The following KIN variants were observed in gnomAD, a reference collection of about 807,000 sequenced individuals.
KIN encodes DNA/RNA-binding protein KIN17.
In KIN, 47 loss-of-function variants were observed where a neutral mutation model predicts 63.0. The ratio of observed to expected loss-of-function variants is 0.75; its 90% CI spans 0.59 to 0.95. The LOEUF is 0.95. Among genes scored for constraint, KIN ranks in the 40% least tolerant of loss-of-function variants. The pLI, the probability that KIN is intolerant of heterozygous loss-of-function variation, is 0.00. For synonymous variants in KIN, 160 were observed against 157.7 expected (o/e 1.01, Z -0.11); for missense variants, 408 against 460.9 (o/e 0.89, Z 1.05).
chr10:7,754,146 A>G lies in KIN; in HGVS notation c.*1934T>C, dbSNP rs572776837. The G allele has an allele frequency of 1.4e-4, 62 of 454,868 alleles. No individual in the cohort carries two copies. Among genetic ancestry groups the G allele is most frequent in the African/African-American group, 1.0e-3 (52 of 50,158 alleles). The allele number at this position is 454,868 out of a possible 1,614,324, so 28.2% of individuals were successfully genotyped here. A position where few individuals can be genotyped will look rare whatever the true frequency, so the allele number is the denominator to read the frequency against. On this transcript the variant is annotated 3_prime_UTR_variant, in exon 13 of 13. Coordinates refer to ENST00000379562, the MANE Select transcript of KIN (RefSeq NM_012311.4). Reference sequence around the variant, plus strand: ...AGAGTTTGAGACCAGCCTGGGCAACATAGCAAGACCTCATCTCTACTAAAA... The same window carrying G: ...AGAGTTTGAGACCAGCCTGGGCAACGTAGCAAGACCTCATCTCTACTAAAA...
In KIN at chr10:7,776,414, C is replaced by T. The variant is rs541104162; in HGVS notation, c.559-615G>A. Reference sequence around the variant, plus strand: ...AAATTTAGCCGGGTGTGATGGCGGGCGCCTGTAATGCCAGCTACTCAGGAG... The same window carrying T: ...AAATTTAGCCGGGTGTGATGGCGGGTGCCTGTAATGCCAGCTACTCAGGAG... On this transcript the variant is annotated intron_variant, in intron 5 of 12. Coordinates refer to ENST00000379562, the MANE Select transcript of KIN (RefSeq NM_012311.4). Among the ~76,000 whole-genome samples, 41 of 149,336 alleles carry T rather than the reference C, an allele frequency of 2.7e-4. 2 individuals carry two copies. The East Asian group carries it at 7.8e-3, about 29-fold the overall frequency.
chr10:7,778,266 G>C (rs74122333), intron 5 of KIN, among the ~76,000 whole-genome samples: 1 of 152,076 alleles, frequency 6.6e-6, no homozygotes, highest in East Asian at 1.9e-4. Context: ...ATTAGGTAGC[G>C]TCTCTATTTA....
chr10:7,766,262 A>C (rs1054958874), intron 8 of KIN, 159 bp from the exon 9 acceptor site: 9 of 493,294 alleles, frequency 1.8e-5, no homozygotes, highest in Non-Finnish European at 2.8e-5. Context: ...ACAAATAAAC[A>C]TTACTTGTCA....
At chr10:7,774,129 C>T (rs1835720092) in intron 7 of KIN, among the ~76,000 whole-genome samples, 1 of 152,216 alleles carries the variant, frequency 6.6e-6, no homozygotes, top group African/African-American at 2.4e-5. Flanking sequence ...GTGACAAAGA[C>T]ATCTGGCCGA....
At position 7,783,099 on chromosome 10, in the gene KIN, A is replaced by C; in HGVS notation, c.191T>G (p.Phe64Cys). The change falls in exon 2 of 13, where the codon TTT (phenylalanine) becomes TGT (cysteine). Residue 64 changes from phenylalanine (F) to cysteine (C), a missense_variant. Coordinates refer to ENST00000379562, the MANE Select transcript of KIN (RefSeq NM_012311.4). ...TACTTACTCTGAAAAATAATCCATA[A>C]ACTGCTGAGGATTTTCTGAAGCCAG... is the stretch of plus-strand genomic sequence containing the variant. ...LLLASENPQQ[F>C]MDYFSEEFRN... The C allele has an allele frequency of 1.9e-6, 3 of 1,598,678 alleles. No individual in the cohort carries two copies. The highest frequency in any genetic ancestry group is 2.6e-6 in the Non-Finnish European group (3 of 1,170,634).
At chr10:7,787,344 G>A (rs1206081712) in intron 1 of KIN, among the ~76,000 whole-genome samples, 1 of 152,092 alleles carries the variant, frequency 6.6e-6, no homozygotes, top group Non-Finnish European at 1.5e-5. Context: ...TTCTGTGCCC[G>A]GTACAGTGTA....
At chr10:7,782,956 A>G (rs1484726651) in intron 2 of KIN, 125 bp downstream of exon 2, 1 of 435,580 alleles carries the variant, frequency 2.3e-6, no homozygotes, top group Non-Finnish European at 4.0e-6. Flanking sequence ...ATAAAAACTG[A>G]GCATAGAGAG....
chr10:7,775,699 C>T, intron 6 of KIN, 52 bp downstream of exon 6: 1 of 952,860 alleles, frequency 1.0e-6, no homozygotes. Flanking sequence ...TTAACAAAGC[C>T]AATATAAAAG....
intron 10 of KIN, 104 bp from the exon 11 acceptor site, chr10:7,762,660 G>C (rs1835459567): frequency 1.7e-6 from 1 of 587,558 alleles, no homozygotes; most frequent in Admixed American, 3.2e-5. Context: ...TCAATCAAAA[G>C]AAAGAGTAAC....
chr10:7,757,860 G>A (rs779390721), intron 12 of KIN, among the ~76,000 whole-genome samples: 4 of 152,090 alleles, frequency 2.6e-5, no homozygotes, highest in Non-Finnish European at 5.9e-5. Flanking sequence ...AAAAGCTGAA[G>A]CTATTTAGGA....
In KIN at chr10:7,751,182, A is replaced by G. The variant is rs910378897; in HGVS notation, c.*4898T>C. ...TGCTGTGTTTACAACTTTCCTTAAA[A>G]AATCAATTCCTAAAATGAACGTATT... On this transcript the variant is annotated 3_prime_UTR_variant, in exon 13 of 13. Transcript: ENST00000379562. The G allele has an allele frequency of 6.6e-6, 1 of 152,216 alleles. No homozygotes were observed. The highest frequency in any genetic ancestry group is 1.5e-5 in the Non-Finnish European group (1 of 68,040). 9.4% of individuals were successfully genotyped at this position (152,216 alleles called of 1,614,324 possible).
At position 7,753,906 on chromosome 10, in the gene KIN, C is replaced by A; in HGVS notation, c.*2174G>T. 1 of 359,828 alleles carries A rather than the reference C, an allele frequency of 2.8e-6. No individual in the cohort carries two copies. Among genetic ancestry groups the A allele is most frequent in the Non-Finnish European group, 5.7e-6 (1 of 176,744 alleles). 22.3% of individuals were successfully genotyped at this position (359,828 alleles called of 1,614,324 possible). A position where few individuals can be genotyped will look rare whatever the true frequency, so the allele number is the denominator to read the frequency against. On this transcript the variant is annotated 3_prime_UTR_variant, in exon 13 of 13. Transcript: ENST00000379562. ...CTGAGAATAGAAGCAATCAGCCCTC[C>A]CTGACTCTCAGTTAAAGAGAGAGAT...
At chr10:7,766,750 G>A (rs1198655136) in intron 8 of KIN, among the ~76,000 whole-genome samples, 2 of 152,104 alleles carry the variant, frequency 1.3e-5, no homozygotes, top group African/African-American at 4.8e-5. Flanking sequence ...TAGGCTGGGC[G>A]CGGTGGCTTA....
At chr10:7,782,740 A>T (rs1424684353) in intron 2 of KIN, among the ~76,000 whole-genome samples, 16 of 152,088 alleles carry the variant, frequency 1.1e-4, no homozygotes, top group Non-Finnish European at 2.9e-5. Flanking sequence ...CCACAGAAAA[A>T]CTTAAGTAGG....
At chr10:7,780,771 C>A (rs1835880768) in intron 2 of KIN, among the ~76,000 whole-genome samples, 1 of 152,134 alleles carries the variant, frequency 6.6e-6, no homozygotes, top group Non-Finnish European at 1.5e-5. Context: ...CCTTTAAAAA[C>A]TGATCAAGGA....
chr10:7,762,148 G>A (rs1421151432), intron 11 of KIN, among the ~76,000 whole-genome samples: 1 of 151,552 alleles, frequency 6.6e-6, no homozygotes, highest in East Asian at 1.9e-4. Context: ...TTTCAGATGA[G>A]AGATTCTCAA....
intron 7 of KIN, among the ~76,000 whole-genome samples, chr10:7,769,940 C>CT (rs1440965977): frequency 4.6e-5 from 7 of 151,590 alleles, no homozygotes; most frequent in South Asian, 2.1e-4. Context: ...AGTGTAAATC[C>CT]TTTTTTTTGA....
At chr10:7,784,501 T>C (rs1434863676) in intron 1 of KIN, among the ~76,000 whole-genome samples, 5 of 151,776 alleles carry the variant, frequency 3.3e-5, no homozygotes, top group Admixed American at 1.3e-4. Flanking sequence ...GGCGGGAGGA[T>C]TGCTTAAGCC....
intron 1 of KIN, among the ~76,000 whole-genome samples, chr10:7,786,413 C>A (rs747065610): frequency 6.6e-6 from 1 of 151,958 alleles, no homozygotes; most frequent in South Asian, 2.1e-4. Flanking sequence ...AAAGTAAATA[C>A]GGCAAAATTA....
Sources: gnomAD v4.1 joint callset for allele counts (sites outside exome capture counted in the v4.1 genomes callset) on GRCh38, gnomAD v4.1.1 for gene constraint, MANE v1.5 for transcripts, NCBI Gene and HGNC (gene_info 2026-07-23, HGNC 2026-07-21) for gene names.